The following RERE variants were observed in gnomAD, a reference collection of about 807,000 sequenced individuals.
RERE encodes the protein arginine-glutamic acid dipeptide repeats.
RERE carries 40 observed loss-of-function variants against 146.1 expected under a neutral mutation model. That is an observed-to-expected ratio of 0.27 (90% CI 0.21 to 0.36). The LOEUF is 0.36. Ranked by LOEUF, RERE falls within the 10% of genes least tolerant of loss-of-function variation. The pLI, the probability that RERE is intolerant of heterozygous loss-of-function variation, is 1.00. For missense variants in RERE, 1,933 were observed against 2,138.7 expected, an observed-to-expected ratio of 0.90 and a Z score of 1.90; for synonymous variants, 1,003 against 866.0, an observed-to-expected ratio of 1.16 and a Z score of -2.78.
intron 2 of RERE, among the ~76,000 whole-genome samples, chr1:8,639,740 C>T (rs1647152152): frequency 6.6e-6 from 1 of 152,078 alleles, no homozygotes; most frequent in Non-Finnish European, 1.5e-5. Context: ...CAGGTGAGAC[C>T]TTTTTGTGAC....
rs562035823 is a variant in RERE, at chr1:8,431,328, C to T, written c.1204-8521G>A. Among the ~76,000 whole-genome samples the T allele has an allele frequency of 1.4e-4, 21 of 152,280 alleles. No individual in the cohort carries two copies. The Middle Eastern group carries it at 0.024, about 173-fold the overall frequency. On this transcript the variant is annotated intron_variant, in intron 11 of 22. Transcript: ENST00000400908. Reference sequence around the variant, plus strand: ...GGACCACGAATCCTATTGTGAACTGCGCATGTGAGGGATCTGGGTTGCGTG... The same window carrying T: ...GGACCACGAATCCTATTGTGAACTGTGCATGTGAGGGATCTGGGTTGCGTG...
intron 12 of RERE, among the ~76,000 whole-genome samples, chr1:8,370,197 A>C (rs1185382413): frequency 6.6e-6 from 1 of 152,064 alleles, no homozygotes; most frequent in Non-Finnish European, 1.5e-5. Context: ...ACAACTTGGC[A>C]ATTAAAAGGC....
At chr1:8,750,455 G>A (rs1013807015) in intron 1 of RERE, 12 of 935,026 alleles carry the variant, frequency 1.3e-5, no homozygotes, top group East Asian at 7.2e-5. Flanking sequence ...AGAGAAGAAG[G>A]TGGTTCCTGC....
chr1:8,417,981 C>T (rs1334381389), intron 12 of RERE, among the ~76,000 whole-genome samples: 9 of 152,170 alleles, frequency 5.9e-5, no homozygotes, highest in Admixed American at 5.9e-4. Context: ...CCAGTTCAAA[C>T]ACCGCCCCTC....
chr1:8,486,073 C>T (rs1001529561), intron 10 of RERE, among the ~76,000 whole-genome samples: 23 of 152,292 alleles, frequency 1.5e-4, no homozygotes, highest in Admixed American at 1.4e-3. Flanking sequence ...GCTGGAATTA[C>T]AGGCGTAAGC....
intron 2 of RERE, among the ~76,000 whole-genome samples, chr1:8,644,964 T>G (rs1258801151): frequency 6.6e-6 from 1 of 152,216 alleles, no homozygotes; most frequent in African/African-American, 2.4e-5. Context: ...CTTCAGGGTT[T>G]TATGCAAATG....
intron 10 of RERE, among the ~76,000 whole-genome samples, chr1:8,491,456 A>T (rs1034552989): frequency 3.3e-5 from 5 of 151,526 alleles, no homozygotes; most frequent in African/African-American, 1.2e-4. Context: ...AAAAAACAAA[A>T]CAAAACAAGA....
At chr1:8,615,195 A>T (rs1159543148) in intron 3 of RERE, among the ~76,000 whole-genome samples, 1 of 152,248 alleles carries the variant, frequency 6.6e-6, no homozygotes, top group Non-Finnish European at 1.5e-5. Context: ...TCAAAGTTCA[A>T]GTTTAACTGT....
At position 8,423,609 on chromosome 1, in the gene RERE, G is replaced by C; in HGVS notation, c.1204-802C>G. The C allele has an allele frequency of 1.6e-5, 16 of 985,188 alleles. No individual in the cohort carries two copies. The highest frequency in any genetic ancestry group is 1.9e-5 in the Non-Finnish European group (16 of 829,860). The allele number at this position is 985,188 out of a possible 1,614,324, so 61.0% of individuals were successfully genotyped here. ...GGGCGGCCGACCCCAGCAGCCACAG[G>C]TAAGCGCCCGGGGTCCGGGGCGGCA... On this transcript the variant is annotated intron_variant, in intron 11 of 22. Transcript: ENST00000400908. This position sits in a 1 kb window ranked among gnomAD's most constrained non-coding sequence, Gnocchi z 5.4.
At position 8,614,697 on chromosome 1, in the gene RERE, A is replaced by G. The variant is rs1469851075; in HGVS notation, c.397-11T>C. The G allele has an allele frequency of 1.2e-6, 2 of 1,605,336 alleles. No individual in the cohort carries two copies. Among genetic ancestry groups the G allele is most frequent in the Non-Finnish European group, 8.5e-7 (1 of 1,176,016 alleles). ...CTGGGAGTTGTGGACCTAAAAAAGA[A>G]AACAGTTTTAAGTTAACGTGCCCAA... is the stretch of plus-strand genomic sequence containing the variant. On this transcript the variant is annotated splice_polypyrimidine_tract_variant and intron_variant, in intron 3 of 22. Coordinates refer to ENST00000400908, the MANE Select transcript of RERE (RefSeq NM_001042681.2).
At chr1:8,764,611 A>G (rs1016247391) in intron 1 of RERE, among the ~76,000 whole-genome samples, 26 of 152,316 alleles carry the variant, frequency 1.7e-4, no homozygotes, top group Middle Eastern at 3.4e-3. Flanking sequence ...AATTACCTGT[A>G]AACTGAAGCA....
chr1:8,505,178 G>C (rs1645234039), intron 8 of RERE, among the ~76,000 whole-genome samples: 1 of 152,172 alleles, frequency 6.6e-6, no homozygotes, highest in South Asian at 2.1e-4. Flanking sequence ...CAACTGCAAT[G>C]AATGGCTCTC....
intron 1 of RERE, among the ~76,000 whole-genome samples, chr1:8,679,239 G>T (rs776674114): frequency 2.6e-5 from 4 of 152,140 alleles, no homozygotes; most frequent in African/African-American, 4.8e-5. Flanking sequence ...GAACCCAGGG[G>T]ACTTTATCTT....
At chr1:8,703,979 T>C (rs1234512147) in intron 1 of RERE, among the ~76,000 whole-genome samples, 1 of 152,184 alleles carries the variant, frequency 6.6e-6, no homozygotes, top group Non-Finnish European at 1.5e-5. Context: ...TAAAGATCCA[T>C]CTGTTAGACA....
At chr1:8,788,704 A>G (rs977160533) in intron 1 of RERE, among the ~76,000 whole-genome samples, 34 of 151,206 alleles carry the variant, frequency 2.2e-4, no homozygotes, top group African/African-American at 8.3e-4. Context: ...TGATAGTAAC[A>G]AAGAAGTCCA....
intron 3 of RERE, among the ~76,000 whole-genome samples, chr1:8,623,234 G>C (rs1646937228): frequency 6.6e-6 from 1 of 152,126 alleles, no homozygotes; most frequent in South Asian, 2.1e-4. Context: ...ATCACTTGAG[G>C]TCAGAAGTTG....
At chr1:8,663,759 C>G (rs936686252) in intron 1 of RERE, among the ~76,000 whole-genome samples, 1 of 152,102 alleles carries the variant, frequency 6.6e-6, no homozygotes, top group Non-Finnish European at 1.5e-5. Flanking sequence ...TATGGGGCTG[C>G]CCCTTCACCT....
chr1:8,752,722 T>G (rs535912599), intron 1 of RERE, among the ~76,000 whole-genome samples: 1 of 152,282 alleles, frequency 6.6e-6, no homozygotes, highest in African/African-American at 2.4e-5. Flanking sequence ...GAAACTGATA[T>G]GATCAAAAGA....
intron 4 of RERE, among the ~76,000 whole-genome samples, chr1:8,593,391 C>A (rs1312622925): frequency 2.6e-5 from 4 of 152,148 alleles, no homozygotes; most frequent in Non-Finnish European, 5.9e-5. Flanking sequence ...GTGTGCTGTT[C>A]TTGTGATAGT....
Sources: allele counts gnomAD v4.1 joint callset (sites outside exome capture counted in the v4.1 genomes callset), GRCh38; gene constraint gnomAD v4.1.1; non-coding constraint Gnocchi (gnomAD v3.1); transcripts MANE v1.5; gene names NCBI Gene and HGNC (gene_info 2026-07-23, HGNC 2026-07-21).